The following FRMD6 variants were observed in gnomAD, a reference collection of about 807,000 sequenced individuals.
FRMD6 encodes the protein FERM domain-containing protein 6.
Under a neutral mutation model 73.2 loss-of-function variants are expected in FRMD6, and 37 were observed. That is an observed-to-expected ratio of 0.51 (90% confidence interval 0.39 to 0.66). FRMD6 has a LOEUF of 0.66. FRMD6 is among the 30% of genes least tolerant of loss of function. The pLI is 0.00. For missense variants in FRMD6, 714 were observed against 780.5 expected (o/e 0.91, Z 1.02); for synonymous variants, 273 against 282.2 (o/e 0.97, Z 0.33).
At chr14:51,456,984 G>T in the FRMD6 span, among the ~76,000 whole-genome samples, 1 of 152,168 alleles carries the variant, frequency 6.6e-6, no homozygotes, top group African/African-American at 2.4e-5. Flanking sequence ...AGAGGCTAGG[G>T]AGAGCAAGAG....
chr14:51,569,197 C>T (rs563458813), intron 1 of FRMD6, among the ~76,000 whole-genome samples: 2 of 152,292 alleles, frequency 1.3e-5, no homozygotes, highest in South Asian at 4.2e-4. Context: ...CTCACAAACG[C>T]TACACAGACG....
At chr14:51,548,474 C>T (rs1886599227) in intron 1 of FRMD6, among the ~76,000 whole-genome samples, 1 of 152,176 alleles carries the variant, frequency 6.6e-6, no homozygotes, top group Non-Finnish European at 1.5e-5. Flanking sequence ...CCTAACACAA[C>T]CTGGCTGGCT....
At chr14:51,413,371 C>T in the FRMD6 span, among the ~76,000 whole-genome samples, 827 of 152,266 alleles carry the variant, frequency 5.4e-3, 6 homozygotes, top group African/African-American at 0.019. Context: ...CAAGTGTTCT[C>T]ATTGTTCAGT....
At chr14:51,563,575 C>G (rs371819291) in intron 1 of FRMD6, among the ~76,000 whole-genome samples, 2 of 152,116 alleles carry the variant, frequency 1.3e-5, no homozygotes, top group Non-Finnish European at 2.9e-5. Context: ...GAGGCTGAGG[C>G]ATGAGAATCA....
chr14:51,413,319 C>A, the FRMD6 span, among the ~76,000 whole-genome samples: 7 of 152,298 alleles, frequency 4.6e-5, no homozygotes, highest in South Asian at 2.1e-4. Flanking sequence ...TGCTCCCAAA[C>A]CCACGGCAGG....
chr14:51,557,274 A>AT (rs1887192078), intron 1 of FRMD6, among the ~76,000 whole-genome samples: 2 of 149,186 alleles, frequency 1.3e-5, no homozygotes, highest in African/African-American at 2.4e-5. Flanking sequence ...ATATACACAC[A>AT]TACATACATA....
intron 4 of FRMD6, 112 bp from the exon 5 acceptor site, chr14:51,702,399 AC>A (rs1183860035): frequency 2.4e-6 from 2 of 819,782 alleles, no homozygotes; most frequent in African/African-American, 3.4e-5. Context: ...AGTAAATAAA[AC>A]CTATCAGTGA....
chr14:51,519,322 A>T (rs1884816339), intron 1 of FRMD6, among the ~76,000 whole-genome samples: 1 of 151,154 alleles, frequency 6.6e-6, no homozygotes, highest in Admixed American at 6.6e-5. Context: ...GTGCCACCAT[A>T]CCCAGCTAAT....
intron 12 of FRMD6, among the ~76,000 whole-genome samples, chr14:51,723,810 A>T (rs1235701375): frequency 1.3e-5 from 2 of 151,882 alleles, no homozygotes; most frequent in Non-Finnish European, 2.9e-5. Context: ...TGGTTAAATT[A>T]TACCTTATTC....
the FRMD6 span, among the ~76,000 whole-genome samples, chr14:51,425,726 A>T: frequency 6.6e-6 from 1 of 151,656 alleles, no homozygotes; most frequent in African/African-American, 2.4e-5. Flanking sequence ...CAGATAACCT[A>T]CCCCAGACCA....
chr14:51,494,737 G>C (rs936310304), intron 1 of FRMD6, among the ~76,000 whole-genome samples: 3 of 152,202 alleles, frequency 2.0e-5, no homozygotes, highest in Non-Finnish European at 2.9e-5. Context: ...CCCTGTGCTT[G>C]ATGGGGCTTT....
Position 51,712,430 on chromosome 14 carries a change from T to C in FRMD6, c.781-53T>C, listed in dbSNP as rs1383685099. The C allele has an allele frequency of 8.1e-6, 9 of 1,106,592 alleles. No individual in the cohort carries two copies. In the East Asian group the frequency reaches 2.1e-4, roughly 26 times the overall value. 68.5% of individuals were successfully genotyped at this position (1,106,592 alleles called of 1,614,324 possible). ...TTCAGGGAAAGAAGTTAGAGCCATT[T>C]TACAGTATCTATCATTTTTCCCATT... is the stretch of plus-strand genomic sequence containing the variant. On this transcript the variant is annotated intron_variant, in intron 8 of 13. Transcript: ENST00000344768.
At chr14:51,696,123 A>AAT (rs1181452024) in intron 2 of FRMD6, among the ~76,000 whole-genome samples, 1 of 151,538 alleles carries the variant, frequency 6.6e-6, no homozygotes, top group Non-Finnish European at 1.5e-5. Flanking sequence ...ACAATATTTT[A>AAT]ATATATATAT....
chr14:51,692,944 C>T (rs1386040067), intron 2 of FRMD6: 3 of 152,160 alleles, frequency 2.0e-5, no homozygotes, highest in African/African-American at 4.8e-5. Context: ...ATCTATGTGC[C>T]AGCACCACCT....
In FRMD6 at chr14:51,622,869, G is replaced by T. The variant is rs142269480; in HGVS notation, c.-147+52459G>T. ...CAGCTTCAATCTTCAGGACTCAAGC[G>T]ATCGTCCCATCTCAGCCTCCTAAAT... On this transcript the variant is annotated intron_variant, in intron 2 of 14. Coordinates refer to the FRMD6 transcript ENST00000356218. Among the ~76,000 whole-genome samples the T allele has an allele frequency of 2.6e-4, 40 of 152,212 alleles. 1 individual carries two copies. The East Asian group carries it at 6.0e-3, about 23-fold the overall frequency.
chr14:51,549,591 C>CTTTTTTTTTTTT lies in FRMD6; in HGVS notation c.-209-20754_-209-20753insTTTTTTTTTTTT, dbSNP rs1168905376. Among the ~76,000 whole-genome samples, 69 of 93,566 alleles carry CTTTTTTTTTTTT rather than the reference C, an allele frequency of 7.4e-4. 1 individual carries two copies. The highest frequency in any genetic ancestry group is 8.3e-4 in the South Asian group (2 of 2,406). The allele number at this position is 93,566 out of a possible 152,430, so 61.4% of individuals were successfully genotyped here. ...CAGCTGGAGTATAAACTTTTTTTTT[C>CTTTTTTTTTTTT]TTTCTTTTTTTTTTTTTTTTTTTTG... On this transcript the variant is annotated intron_variant, in intron 1 of 14. Transcript: ENST00000356218.
At chr14:51,521,382 A>G (rs1397434167) in intron 1 of FRMD6, among the ~76,000 whole-genome samples, 1 of 152,214 alleles carries the variant, frequency 6.6e-6, no homozygotes, top group East Asian at 1.9e-4. Context: ...CTGGAATATA[A>G]ATAGCTAAAA....
chr14:51,432,605 A>G, the FRMD6 span, among the ~76,000 whole-genome samples: 20 of 152,198 alleles, frequency 1.3e-4, no homozygotes, highest in Admixed American at 2.6e-4. Context: ...TCTACACCAA[A>G]CACAGGGCTT....
intron 1 of FRMD6, among the ~76,000 whole-genome samples, chr14:51,536,648 C>A (rs1326470512): frequency 1.3e-5 from 2 of 152,078 alleles, no homozygotes; most frequent in Non-Finnish European, 2.9e-5. Flanking sequence ...AACTCCTGAC[C>A]TCAAGTGATC....
Sources: gnomAD v4.1 joint callset for allele counts (sites outside exome capture counted in the v4.1 genomes callset) on GRCh38, gnomAD v4.1.1 for gene constraint, MANE v1.5 for transcripts, NCBI Gene and HGNC (gene_info 2026-07-23, HGNC 2026-07-21) for gene names.